NHS: variants seen among roughly 807,000 people sequenced by gnomAD.
The protein encoded by NHS is actin remodeling regulator NHS.
A neutral mutation model predicts 72.5 loss-of-function variants in NHS; 5 were observed. The ratio of observed to expected loss-of-function variants is 0.07; its 90% confidence interval spans 0.04 to 0.14. NHS has a LOEUF of 0.14. Among genes scored for constraint, NHS ranks in the 10% least tolerant of loss-of-function variants. The probability of loss-of-function intolerance (pLI) is 1.00; values close to 1 mark genes in which losing one functional copy is unlikely to be tolerated. For missense variants in NHS, 1,072 were observed against 1,355.7 expected, an observed-to-expected ratio of 0.79 and a Z score of 3.29; for synonymous variants, 464 against 547.7, an observed-to-expected ratio of 0.85 and a Z score of 2.13.
intron 1 of NHS, among the ~76,000 whole-genome samples, chrX:17,425,321 A>G (rs181545395): frequency 4.5e-4 from 50 of 110,034 alleles, no homozygotes; most frequent in African/African-American, 1.6e-3. Flanking sequence ...TTCCTTAAAC[A>G]TGCTCCCTAA....
chrX:17,724,242 T>C, intron 5 of NHS, 57 bp from the exon 6 acceptor site: 1 of 1,202,248 alleles, frequency 8.3e-7, no homozygotes, highest in Non-Finnish European at 1.1e-6. Context: ...GTGTTCCAAG[T>C]AAATGAAAAT....
At chrX:17,654,250 TTACC>T (rs756117351) in intron 1 of NHS, among the ~76,000 whole-genome samples, 117 of 111,906 alleles carry the variant, frequency 1.0e-3, no homozygotes, top group Non-Finnish European at 2.0e-3. Context: ...ACCTTTTCCT[TTACC>T]CACCCACCCC....
intron 6 of NHS, among the ~76,000 whole-genome samples, 189 bp downstream of exon 6, chrX:17,724,619 T>A (rs1392845336): frequency 8.9e-6 from 1 of 112,399 alleles, no homozygotes; most frequent in Non-Finnish European, 1.9e-5. Flanking sequence ...AGATTTGACC[T>A]TATAGATTTA....
At chrX:17,523,634 A>G (rs1287293055) in intron 1 of NHS, among the ~76,000 whole-genome samples, 1 of 111,629 alleles carries the variant, frequency 9.0e-6, no homozygotes, top group Non-Finnish European at 1.9e-5. Flanking sequence ...GAGGGAAAAC[A>G]GATAGGGCGG....
intron 1 of NHS, among the ~76,000 whole-genome samples, chrX:17,585,230 C>A (rs896616751): frequency 1.8e-5 from 2 of 112,322 alleles, no homozygotes; most frequent in Admixed American, 1.9e-4. Flanking sequence ...TACCTAACTT[C>A]TCTGTGCCTG....
At chrX:17,673,541 GT>G (rs2066062132) in intron 1 of NHS, among the ~76,000 whole-genome samples, 1 of 111,256 alleles carries the variant, frequency 9.0e-6, no homozygotes, top group Non-Finnish European at 1.9e-5. Context: ...TTCATCCTGG[GT>G]TTATCATGGG....
rs140369750 is a variant in NHS at position 17,687,787 on chromosome X, G to A, written c.611G>A (p.Arg204His). 60 of 1,211,524 alleles carry A rather than the reference G, an allele frequency of 5.0e-5. No homozygotes were observed. Among genetic ancestry groups the A allele is most frequent in the Non-Finnish European group, 6.5e-5 (58 of 895,451 alleles). Residue 204 changes from arginine to histidine, a missense_variant, in exon 2 of 9, where the codon CGC (arginine) becomes CAC (histidine). By Grantham distance (29) the Arg-to-His change is conservative (BLOSUM62 0). Transcript: ENST00000676302. ...DIESKLSVYYRAPWHQQRNIF... is the reference protein window; with the variant it reads ...DIESKLSVYYHAPWHQQRNIF... ...GAGAGTAAGCTGAGTGTGTACTACC[G>A]CGCCCCGTGGCACCAGCAGCGCAAC... is the stretch of plus-strand genomic sequence containing the variant.
chrX:17,515,067 C>T lies in NHS; in HGVS notation c.565+138745C>T, dbSNP rs1191507369. On this transcript the variant is annotated intron_variant, in intron 1 of 8. Transcript: ENST00000676302. ...ATGAGGGGCCCTTGCAGATTTGGAG[C>T]AAATAACACAAATTTGGAGAAGCAG... 2.7e-5 allele frequency among the ~76,000 whole-genome samples: 3 copies of T among 111,547 alleles called. No individual in the cohort carries two copies. The East Asian group carries it at 8.4e-4, about 31-fold the overall frequency.
chrX:17,622,826 T>C (rs2065780155), intron 1 of NHS, among the ~76,000 whole-genome samples: 1 of 111,035 alleles, frequency 9.0e-6, no homozygotes, highest in African/African-American at 3.3e-5. Flanking sequence ...GGTCTAGCAG[T>C]CAGGATCATC....
chrX:17,528,550 T>A (rs1015055031), intron 1 of NHS: 1 of 112,124 alleles, frequency 8.9e-6, no homozygotes, highest in Non-Finnish European at 1.9e-5. Context: ...GATTCTGGTT[T>A]GCTCTGGGTG....
chrX:17,619,537 G>A (rs2065762910), intron 1 of NHS, among the ~76,000 whole-genome samples: 1 of 112,079 alleles, frequency 8.9e-6, no homozygotes, highest in Non-Finnish European at 1.9e-5. Context: ...TGAACAGTAG[G>A]TCGTGAAAAT....
intron 1 of NHS, among the ~76,000 whole-genome samples, chrX:17,680,153 C>T (rs2066117979): frequency 8.9e-6 from 1 of 112,134 alleles, no homozygotes; most frequent in Admixed American, 9.4e-5. Flanking sequence ...TGTGTACTAT[C>T]CACAGGTGAG....
intron 1 of NHS, among the ~76,000 whole-genome samples, chrX:17,493,276 T>C (rs1272454505): frequency 2.7e-5 from 3 of 111,978 alleles, no homozygotes; most frequent in African/African-American, 9.7e-5. Context: ...TGCTGATGGC[T>C]TAATTTAGAA....
chrX:17,467,216 A>T (rs976174026), intron 1 of NHS, among the ~76,000 whole-genome samples: 4 of 112,194 alleles, frequency 3.6e-5, no homozygotes, highest in Admixed American at 2.8e-4. Context: ...AGATGGTCTT[A>T]CTGAAGTTGT....
chrX:17,554,630 C>T (rs995490061), intron 1 of NHS, among the ~76,000 whole-genome samples: 8 of 112,164 alleles, frequency 7.1e-5, no homozygotes, highest in African/African-American at 2.3e-4. Flanking sequence ...GCATGTTATG[C>T]AGAACAAGGA....
chrX:17,723,770 T>TGTGTGTGTGTGTGA, intron 5 of NHS, among the ~76,000 whole-genome samples: 2 of 91,316 alleles, frequency 2.2e-5, no homozygotes, highest in South Asian at 5.2e-4. Context: ...TGTGTGTGTG[T>TGTGTGTGTGTGTGA]GCGCGCGCGT....
At chrX:17,538,160 A>G (rs1192472866) in intron 1 of NHS, among the ~76,000 whole-genome samples, 1 of 111,927 alleles carries the variant, frequency 8.9e-6, no homozygotes. Flanking sequence ...AGGTTTGTGC[A>G]TTTCCTCATC....
intron 1 of NHS, among the ~76,000 whole-genome samples, chrX:17,485,472 C>T (rs1294077709): frequency 1.8e-5 from 2 of 112,122 alleles, no homozygotes; most frequent in East Asian, 5.6e-4. Flanking sequence ...GTGGGTGAAA[C>T]AGCTTCTGAG....
intron 1 of NHS, among the ~76,000 whole-genome samples, chrX:17,463,175 C>G (rs1375435708): frequency 8.9e-6 from 1 of 112,139 alleles, no homozygotes; most frequent in Non-Finnish European, 1.9e-5. Flanking sequence ...AATCTGACAA[C>G]AGCTTATAAG....
Sources: allele counts gnomAD v4.1 joint callset (sites outside exome capture counted in the v4.1 genomes callset), GRCh38; gene constraint gnomAD v4.1.1; transcripts MANE v1.5; gene names NCBI Gene and HGNC (gene_info 2026-07-23, HGNC 2026-07-21).